Variants in ELMO1 observed in about 807,000 individuals in gnomAD.
ELMO1 encodes engulfment and cell motility 1.
ELMO1 carries 26 observed loss-of-function variants against 98.9 expected under a neutral mutation model. The ratio of observed to expected loss-of-function variants is 0.26; its 90% CI spans 0.19 to 0.36. The LOEUF (loss-of-function observed/expected upper bound fraction) is 0.36, where lower values mean the gene tolerates loss of function less well. ELMO1 is among the 10% of genes least tolerant of loss of function. The probability of loss-of-function intolerance (pLI) is 1.00; values close to 1 mark genes in which losing one functional copy is unlikely to be tolerated. For synonymous variants in ELMO1, 346 were observed against 346.0 expected, an observed-to-expected ratio of 1.00 and a Z score of 0.00; for missense variants, 627 against 935.2, an observed-to-expected ratio of 0.67 and a Z score of 4.30.
intron 16 of ELMO1, among the ~76,000 whole-genome samples, chr7:36,910,798 C>CATA (rs1435393836): frequency 1.3e-5 from 2 of 152,146 alleles, no homozygotes; most frequent in Non-Finnish European, 2.9e-5. Context: ...TGAAGCTATA[C>CATA]AGTCAAAGAT....
chr7:37,317,262 G>C (rs1200326947), intron 2 of ELMO1, among the ~76,000 whole-genome samples: 1 of 152,122 alleles, frequency 6.6e-6, no homozygotes, highest in Non-Finnish European at 1.5e-5. Context: ...TTCAGTGTAC[G>C]GTGTCCCTCC....
chr7:37,312,452 G>C (rs1160419884), intron 4 of ELMO1, among the ~76,000 whole-genome samples: 2 of 152,148 alleles, frequency 1.3e-5, no homozygotes, highest in African/African-American at 2.4e-5. Context: ...TGTACACATG[G>C]GTTCCAACTC....
chr7:37,398,199 C>T (rs1803376819), intron 1 of ELMO1, among the ~76,000 whole-genome samples: 1 of 152,144 alleles, frequency 6.6e-6, no homozygotes, highest in Admixed American at 6.5e-5. Context: ...GCCAATAATA[C>T]ACATTTCATT....
At chr7:36,978,750 C>T (rs1790795322) in intron 16 of ELMO1, among the ~76,000 whole-genome samples, 1 of 152,186 alleles carries the variant, frequency 6.6e-6, no homozygotes, top group Non-Finnish European at 1.5e-5. Flanking sequence ...CTTCCAAAAC[C>T]AGGAAACTAC....
chr7:36,871,123 G>T (rs932259269), intron 19 of ELMO1, among the ~76,000 whole-genome samples: 6 of 152,340 alleles, frequency 3.9e-5, no homozygotes, highest in Middle Eastern at 3.4e-3. Flanking sequence ...TCTGATACAG[G>T]ATTCTGGAAA....
At chr7:37,132,689 C>T (rs900222494) in intron 14 of ELMO1, among the ~76,000 whole-genome samples, 11 of 152,196 alleles carry the variant, frequency 7.2e-5, no homozygotes, top group East Asian at 1.9e-4. Flanking sequence ...ACGAGTCTGA[C>T]GTGAAATGTA....
intron 5 of ELMO1, among the ~76,000 whole-genome samples, chr7:37,266,823 G>A (rs1796265279): frequency 6.6e-6 from 1 of 151,984 alleles, no homozygotes; most frequent in Non-Finnish European, 1.5e-5. Context: ...GACCAGCCTT[G>A]CCAACATGGG....
rs559855594 is a variant in ELMO1, at chr7:36,895,124, A to C, written c.1438-107T>G. 5.5e-6 allele frequency: 7 copies of C among 1,267,850 alleles called. No individual in the cohort carries two copies. In the African/African-American group the frequency reaches 8.9e-5, roughly 16 times the overall value. The allele number at this position is 1,267,850 out of a possible 1,614,324, so 78.5% of individuals were successfully genotyped here. A position where few individuals can be genotyped will look rare whatever the true frequency, so the allele number is the denominator to read the frequency against. ...TGCTTCCCTGGTGCCCTCTGCACGC[A>C]TGCTCAGCATTAACCTTGAGCATGC... On this transcript the variant is annotated intron_variant, in intron 16 of 21. Transcript: ENST00000310758.
intron 15 of ELMO1, among the ~76,000 whole-genome samples, chr7:37,018,735 G>A (rs1256442623): frequency 6.6e-6 from 1 of 152,078 alleles, no homozygotes; most frequent in Non-Finnish European, 1.5e-5. Flanking sequence ...CCTTGATCTC[G>A]CAAAGTGCTG....
intron 4 of ELMO1, among the ~76,000 whole-genome samples, chr7:37,309,311 C>T (rs193184252): frequency 5.5e-4 from 84 of 152,278 alleles, no homozygotes; most frequent in Admixed American, 4.2e-3. Context: ...GAGAACAGTA[C>T]GGAGGAAACC....
chr7:37,118,218 A>T (rs889131279), intron 14 of ELMO1, among the ~76,000 whole-genome samples: 17 of 152,196 alleles, frequency 1.1e-4, no homozygotes, highest in African/African-American at 3.6e-4. Context: ...CTTAATGCAC[A>T]GAGGCTACTT....
At chr7:36,983,119 G>C (rs540937146) in intron 16 of ELMO1, among the ~76,000 whole-genome samples, 16 of 152,340 alleles carry the variant, frequency 1.1e-4, no homozygotes, top group African/African-American at 2.2e-4. Context: ...GCAAATGTAA[G>C]CAAAGGGCAG....
At chr7:37,167,627 G>C (rs1166185839) in intron 13 of ELMO1, among the ~76,000 whole-genome samples, 2 of 151,774 alleles carry the variant, frequency 1.3e-5, no homozygotes, top group East Asian at 1.9e-4. Flanking sequence ...TGAAATTCTG[G>C]GTTGAAAATT....
rs146192401 is a variant in ELMO1 at position 37,017,829 on chromosome 7, A to G, written c.1301-4394T>C. 2.0e-4 allele frequency among the ~76,000 whole-genome samples: 30 copies of G among 152,286 alleles called. No individual in the cohort carries two copies. The East Asian group carries it at 4.1e-3, about 21-fold the overall frequency. ...TAATATATTAAAAAAAACCCAAGCA[A>G]GCACATTGACAATAGCATAAGAAAA... On this transcript the variant is annotated intron_variant, in intron 15 of 21. Transcript: ENST00000310758.
chr7:37,072,808 C>T (rs143644724), intron 15 of ELMO1, among the ~76,000 whole-genome samples: 44 of 152,316 alleles, frequency 2.9e-4, no homozygotes, highest in African/African-American at 9.6e-4. Flanking sequence ...CAGAACCAAC[C>T]ATTTGGACAC....
chr7:36,871,245 A>G (rs937445566), intron 19 of ELMO1, among the ~76,000 whole-genome samples: 5 of 152,224 alleles, frequency 3.3e-5, no homozygotes, highest in Admixed American at 2.0e-4. Context: ...AGATCAGGTG[A>G]AAGAGGCTGG....
intron 16 of ELMO1, among the ~76,000 whole-genome samples, chr7:36,908,181 A>AG (rs1221498960): frequency 1.3e-5 from 2 of 152,242 alleles, no homozygotes; most frequent in African/African-American, 4.8e-5. Context: ...GTAAGGACAT[A>AG]GTTATGGGTC....
intron 1 of ELMO1, chr7:37,376,083 GAACA>G (rs751749832): frequency 1.5e-4 from 51 of 349,948 alleles, no homozygotes; most frequent in South Asian, 3.6e-4. Context: ...TTAAAAAAAT[GAACA>G]AACAAACAAA....
At chr7:37,052,947 T>G (rs1319354416) in intron 15 of ELMO1, among the ~76,000 whole-genome samples, 1 of 152,178 alleles carries the variant, frequency 6.6e-6, no homozygotes, top group African/African-American at 2.4e-5. Flanking sequence ...CTGATAGCAG[T>G]GTCTGTGATT....
Sources: gnomAD v4.1 joint callset for allele counts (sites outside exome capture counted in the v4.1 genomes callset) on GRCh38, gnomAD v4.1.1 for gene constraint, MANE v1.5 for transcripts, NCBI Gene and HGNC (gene_info 2026-07-23, HGNC 2026-07-21) for gene names.